The following TBC1D32 variants were observed in gnomAD, a reference collection of about 807,000 sequenced individuals.
The protein encoded by TBC1D32 is TBC1 domain family member 32, also known as protein broad-minded.
TBC1D32 carries 151 observed loss-of-function variants against 170.3 expected under a neutral mutation model. The observed-to-expected ratio is 0.89, with a 90% CI of 0.78 to 1.01. TBC1D32 has a LOEUF of 1.01. Ranked by LOEUF, TBC1D32 falls within the 50% of genes least tolerant of loss-of-function variation. The pLI, the probability that TBC1D32 is intolerant of heterozygous loss-of-function variation, is 0.00. For synonymous variants in TBC1D32, 498 were observed against 488.0 expected (o/e 1.02, Z -0.27); for missense variants, 1,464 against 1,457.1 (o/e 1.00, Z -0.08).
intron 24 of TBC1D32, among the ~76,000 whole-genome samples, chr6:121,158,872 T>C (rs986039028): frequency 7.9e-5 from 12 of 152,150 alleles, no homozygotes; most frequent in African/African-American, 2.4e-4. Flanking sequence ...AAAATTCTGT[T>C]TGAATTTTAG....
intron 26 of TBC1D32, among the ~76,000 whole-genome samples, chr6:121,120,167 C>T (rs929520564): frequency 2.6e-5 from 4 of 152,024 alleles, no homozygotes; most frequent in African/African-American, 9.7e-5. Flanking sequence ...AAAGTCACTT[C>T]ATTTTTTGGC....
At chr6:121,246,534 GA>G (rs922263971) in intron 17 of TBC1D32, among the ~76,000 whole-genome samples, 3 of 151,814 alleles carry the variant, frequency 2.0e-5, no homozygotes, top group African/African-American at 7.3e-5. Flanking sequence ...AAACCAAGAA[GA>G]AATCTCTGAA....
chr6:121,334,525 A>ACGTGCGGCGTCGTTCCCAGGGAT (rs1811637784), upstream of TBC1D32: 1 of 1,432,290 alleles, frequency 7.0e-7, no homozygotes, highest in African/African-American at 1.4e-5. Flanking sequence ...AGCCCCGGCT[A>ACGTGCGGCGTCGTTCCCAGGGAT]CGTGCGGCGT....
chr6:121,330,478 A>C (rs1811068883), intron 1 of TBC1D32, among the ~76,000 whole-genome samples: 1 of 152,224 alleles, frequency 6.6e-6, no homozygotes, highest in Non-Finnish European at 1.5e-5. Context: ...AAACATATCA[A>C]GTGAGAAGGC....
Position 121,242,218 on chromosome 6 carries a change from A to G in TBC1D32, c.2140T>C (p.Tyr714His), listed in dbSNP as rs1277900319. The G allele has an allele frequency of 2.5e-6, 4 of 1,610,914 alleles. No homozygotes were observed. The highest frequency in any genetic ancestry group is 1.7e-6 in the Non-Finnish European group (2 of 1,178,910). Reference protein sequence around the residue: ...NECVTFIFNRYAKKLQVSRHK... With the variant: ...NECVTFIFNRHAKKLQVSRHK... ...ATTCATACCTGTAATTTTTTTGCAT[A>G]TCGATTGAATATAAATGTCACACAT... Residue 714 changes from tyrosine (Y) to histidine (H), a missense_variant, in exon 18 of 32, where the codon TAT (tyrosine) becomes CAT (histidine). Tyr to His is a moderately conservative substitution (Grantham distance 83). Coordinates refer to ENST00000398212, the MANE Select transcript of TBC1D32 (RefSeq NM_152730.6).
chr6:121,220,582 T>C (rs57491732), intron 21 of TBC1D32, among the ~76,000 whole-genome samples: 5,539 of 151,906 alleles, frequency 0.036, 274 homozygotes, highest in African/African-American at 0.11. Context: ...TTGCAAGTTA[T>C]CCAGATCTAG....
intron 24 of TBC1D32, among the ~76,000 whole-genome samples, chr6:121,143,963 T>C (rs1411732256): frequency 3.9e-5 from 6 of 152,274 alleles, no homozygotes; most frequent in Admixed American, 2.6e-4. Context: ...TGAGATATTA[T>C]GAATTGACTA....
chr6:121,178,921 T>C (rs2884396), intron 22 of TBC1D32, among the ~76,000 whole-genome samples: 117,842 of 152,130 alleles, frequency 0.77, 48,410 homozygotes, highest in Non-Finnish European at 0.91. Flanking sequence ...GAGTTTCACA[T>C]GAGACCACGG....
intron 24 of TBC1D32, among the ~76,000 whole-genome samples, chr6:121,149,422 G>A (rs1037874205): frequency 6.6e-6 from 1 of 152,080 alleles, no homozygotes; most frequent in Non-Finnish European, 1.5e-5. Context: ...TCTATCTTGA[G>A]TTAATCTTTG....
At chr6:121,253,435 C>G (rs971573104) in intron 17 of TBC1D32, among the ~76,000 whole-genome samples, 1 of 152,070 alleles carries the variant, frequency 6.6e-6, no homozygotes, top group Non-Finnish European at 1.5e-5. Flanking sequence ...ATTAAAAAGT[C>G]AAGGCCGGCA....
rs775461845 is a variant in TBC1D32, at chr6:121,321,726, A to G, written c.224T>C (p.Met75Thr). The change falls in exon 2 of 32, where the codon ATG becomes ACG. Residue 75 changes from methionine to threonine, a missense_variant. Met to Thr is a moderately conservative substitution (Grantham distance 81). Transcript: ENST00000398212. ...NTLGSMIEEEMEKCTSDRNQG... is the reference protein window; with the variant it reads ...NTLGSMIEEETEKCTSDRNQG... ...ATTCCGATCAGATGTGCATTTTTCC[A>G]TTTCTTCTTCAATCATAGAACCCAA... 3 of 1,613,918 alleles carry G rather than the reference A, an allele frequency of 1.9e-6. No homozygotes were observed. The highest frequency in any genetic ancestry group is 2.5e-6 in the Non-Finnish European group (3 of 1,179,922).
chr6:121,289,679 C>T (rs562403638), intron 12 of TBC1D32, among the ~76,000 whole-genome samples: 4 of 152,230 alleles, frequency 2.6e-5, no homozygotes, highest in South Asian at 4.2e-4. Context: ...AAAAAAGAGC[C>T]CGCATTGCCA....
At position 121,126,471 on chromosome 6, in the gene TBC1D32, A is replaced by C; in HGVS notation, c.2900-10T>G. The C allele has an allele frequency of 1.3e-6, 2 of 1,584,968 alleles. No individual in the cohort carries two copies. The highest frequency in any genetic ancestry group is 1.7e-6 in the Non-Finnish European group (2 of 1,156,770). The stretch of plus-strand genomic sequence containing the variant: ...AGTAATTCTATTAAGGCTGTAATAA[A>C]CAAAGGAATAATTAGGATATTAAAG... On this transcript the variant is annotated splice_polypyrimidine_tract_variant and intron_variant, in intron 25 of 31. Transcript: ENST00000398212.
At position 121,111,182 on chromosome 6, in the gene TBC1D32, T is replaced by C. The variant is rs548777184; in HGVS notation, c.3324+1323A>G. On this transcript the variant is annotated intron_variant, in intron 29 of 31. Transcript: ENST00000398212. The stretch of plus-strand genomic sequence containing the variant: ...TTGTTTTCAGTTTTATAGAAAGAAA[T>C]GCTATCAGAACACAAGATCATTGAT... Among the ~76,000 whole-genome samples, 8 of 152,260 alleles carry C rather than the reference T, an allele frequency of 5.3e-5. No homozygotes were observed. The South Asian group carries it at 1.7e-3, about 32-fold the overall frequency.
intron 25 of TBC1D32, among the ~76,000 whole-genome samples, chr6:121,131,137 A>T (rs1312668737): frequency 1.3e-5 from 2 of 152,036 alleles, no homozygotes; most frequent in Non-Finnish European, 2.9e-5. Context: ...TTAAAAAATG[A>T]TGATTTCAGA....
At chr6:121,104,487 A>G (rs1778484173) in intron 30 of TBC1D32, among the ~76,000 whole-genome samples, 1 of 151,748 alleles carries the variant, frequency 6.6e-6, no homozygotes, top group African/African-American at 2.4e-5. Flanking sequence ...TAAAACATAT[A>G]AACAATTATG....
At chr6:121,140,680 T>C (rs1433992995) in intron 24 of TBC1D32, among the ~76,000 whole-genome samples, 1 of 152,080 alleles carries the variant, frequency 6.6e-6, no homozygotes, top group Non-Finnish European at 1.5e-5. Flanking sequence ...AGGCTGTACA[T>C]TTTTTAGTTA....
At chr6:121,213,463 TAATAATAAAATAAAATAA>T (rs757136633) in intron 21 of TBC1D32, among the ~76,000 whole-genome samples, 2,194 of 21,876 alleles carry the variant, frequency 0.1, 157 homozygotes, top group Non-Finnish European at 0.12. Context: ...GCCACAAAAA[TAATAATAAAATAAAATAA>T]AATAAAATAA....
intron 21 of TBC1D32, among the ~76,000 whole-genome samples, chr6:121,214,275 C>T (rs1294129634): frequency 1.3e-5 from 2 of 152,170 alleles, no homozygotes; most frequent in Non-Finnish European, 2.9e-5. Context: ...CAGCTGGAAA[C>T]CTGTGTGGCC....
Sources: gnomAD v4.1 joint callset for allele counts (sites outside exome capture counted in the v4.1 genomes callset) on GRCh38, gnomAD v4.1.1 for gene constraint, MANE v1.5 for transcripts, NCBI Gene and HGNC (gene_info 2026-07-23, HGNC 2026-07-21) for gene names.